Variants in CSMD1 observed in about 807,000 individuals in gnomAD.
CSMD1 encodes the protein CUB and Sushi multiple domains 1.
A neutral mutation model predicts 417.5 loss-of-function variants in CSMD1; 213 were observed. The ratio of observed to expected loss-of-function variants is 0.51; its 90% CI spans 0.46 to 0.57. CSMD1 has a LOEUF of 0.57. CSMD1 is among the 20% of genes least tolerant of loss of function. The pLI is 0.00. For missense variants in CSMD1, 6,923 were observed against 4,529.7 expected (o/e 1.53, Z -15.17); for synonymous variants, 2,862 against 1,736.8 (o/e 1.65, Z -16.11).
intron 37 of CSMD1, among the ~76,000 whole-genome samples, chr8:3,165,982 C>G (rs772137235): frequency 1.3e-5 from 2 of 151,974 alleles, no homozygotes; most frequent in East Asian, 3.9e-4. Flanking sequence ...GACAGAAGGT[C>G]GTCTATTGAT....
chr8:4,641,197 T>C (rs1055071711), intron 1 of CSMD1, among the ~76,000 whole-genome samples: 18 of 152,010 alleles, frequency 1.2e-4, no homozygotes, highest in African/African-American at 4.3e-4. Flanking sequence ...ACAGATGTTT[T>C]TGCTGCTATA....
chr8:2,970,793 C>T (rs530123099), intron 57 of CSMD1, among the ~76,000 whole-genome samples: 3 of 152,308 alleles, frequency 2.0e-5, no homozygotes, highest in South Asian at 4.1e-4. Context: ...CATTAAGCTA[C>T]TGTTAAATGG....
intron 1 of CSMD1, among the ~76,000 whole-genome samples, chr8:4,719,911 T>G (rs1330524497): frequency 6.6e-6 from 1 of 152,116 alleles, no homozygotes; most frequent in Non-Finnish European, 1.5e-5. Flanking sequence ...ACCTCACTTT[T>G]TATTGATTTT....
intron 17 of CSMD1, among the ~76,000 whole-genome samples, chr8:3,395,860 A>G (rs1481489366): frequency 2.0e-5 from 3 of 152,200 alleles, no homozygotes; most frequent in East Asian, 1.9e-4. Context: ...AATATATCCT[A>G]TAAGACTTTT....
At chr8:4,255,155 A>C (rs1222725644) in intron 3 of CSMD1, among the ~76,000 whole-genome samples, 1 of 152,232 alleles carries the variant, frequency 6.6e-6, no homozygotes, top group East Asian at 1.9e-4. Context: ...GAGATGATAC[A>C]TAGAGCTTTA....
chr8:4,165,050 G>A (rs191019173), intron 3 of CSMD1, among the ~76,000 whole-genome samples: 95 of 152,262 alleles, frequency 6.2e-4, no homozygotes, highest in Non-Finnish European at 1.0e-4. Context: ...ATTGGTAGAG[G>A]CTGTGTAGAC....
intron 3 of CSMD1, among the ~76,000 whole-genome samples, chr8:4,041,255 G>A (rs1249006425): frequency 1.3e-5 from 2 of 151,594 alleles, no homozygotes; most frequent in African/African-American, 2.4e-5. Context: ...CTGACCTCGT[G>A]ATCCGCCCGC....
intron 3 of CSMD1, among the ~76,000 whole-genome samples, chr8:4,334,738 C>T (rs6996351): frequency 0.16 from 24,041 of 152,138 alleles, 3,161 homozygotes; most frequent in African/African-American, 0.36. Flanking sequence ...GATACTTGAA[C>T]GATACGCTCG....
chr8:4,423,282 A>G (rs1345785871), intron 2 of CSMD1, among the ~76,000 whole-genome samples: 1 of 152,094 alleles, frequency 6.6e-6, no homozygotes, highest in African/African-American at 2.4e-5. Flanking sequence ...TACTATTTGA[A>G]GTTGGCATGA....
At chr8:4,921,757 T>A (rs982183541) in intron 1 of CSMD1, among the ~76,000 whole-genome samples, 5 of 152,136 alleles carry the variant, frequency 3.3e-5, no homozygotes, top group African/African-American at 9.7e-5. Flanking sequence ...TTCTGAGTAA[T>A]TATTCTTCTC....
intron 4 of CSMD1, among the ~76,000 whole-genome samples, chr8:4,014,273 G>A (rs989206577): frequency 6.6e-6 from 1 of 152,188 alleles, no homozygotes; most frequent in African/African-American, 2.4e-5. Flanking sequence ...TATGTACAGA[G>A]ACACTAATTA....
At chr8:4,296,301 C>T (rs934823965) in intron 3 of CSMD1, among the ~76,000 whole-genome samples, 4 of 152,020 alleles carry the variant, frequency 2.6e-5, no homozygotes, top group South Asian at 4.1e-4. Flanking sequence ...AGAATTATTT[C>T]GTCCCTGTGG....
intron 3 of CSMD1, among the ~76,000 whole-genome samples, chr8:4,334,747 C>G (rs544580719): frequency 5.3e-5 from 8 of 152,230 alleles, no homozygotes; most frequent in African/African-American, 1.7e-4. Flanking sequence ...ACGATACGCT[C>G]GACTCTACTG....
intron 10 of CSMD1, among the ~76,000 whole-genome samples, chr8:3,558,867 C>T (rs1041100576): frequency 2.0e-5 from 3 of 152,158 alleles, no homozygotes; most frequent in Admixed American, 6.5e-5. Context: ...CCCATGTTCA[C>T]CTGCCGCCCT....
chr8:4,690,686 G>A (rs1163938096), intron 1 of CSMD1, among the ~76,000 whole-genome samples: 2 of 151,142 alleles, frequency 1.3e-5, no homozygotes, highest in Non-Finnish European at 3.0e-5. Flanking sequence ...TTTATGAATT[G>A]AATCATTATA....
chr8:3,794,658 T>C (rs937735032), intron 5 of CSMD1, among the ~76,000 whole-genome samples: 1 of 152,142 alleles, frequency 6.6e-6, no homozygotes, highest in Admixed American at 6.5e-5. Flanking sequence ...AGTTATGTGA[T>C]TATTTGGTAT....
chr8:4,731,175 G>T (rs1211079233), intron 1 of CSMD1, among the ~76,000 whole-genome samples: 1 of 152,154 alleles, frequency 6.6e-6, no homozygotes, highest in Admixed American at 6.5e-5. Flanking sequence ...GTAACTGAAA[G>T]TTAAAGAGAA....
intron 54 of CSMD1, among the ~76,000 whole-genome samples, chr8:2,995,646 C>G (rs1806827313): frequency 6.6e-6 from 1 of 152,142 alleles, no homozygotes; most frequent in South Asian, 2.1e-4. Context: ...GGAATCAACC[C>G]AGACGTCCTT....
chr8:4,090,723 T>G (rs1318770346), intron 3 of CSMD1, among the ~76,000 whole-genome samples: 1 of 152,156 alleles, frequency 6.6e-6, no homozygotes, highest in African/African-American at 2.4e-5. Context: ...TAAATCAATT[T>G]TACTTAAACA....
Sources: allele counts gnomAD v4.1 joint callset (sites outside exome capture counted in the v4.1 genomes callset), GRCh38; gene constraint gnomAD v4.1.1; transcripts MANE v1.5; gene names NCBI Gene and HGNC (gene_info 2026-07-23, HGNC 2026-07-21).